EIF5B: variants seen among roughly 807,000 people sequenced by gnomAD.
The protein encoded by EIF5B is eukaryotic translation initiation factor 5B, also known as eIF-5B.
EIF5B carries 47 observed loss-of-function variants against 147.5 expected under a neutral mutation model. The ratio of observed to expected loss-of-function variants is 0.32; its 90% CI spans 0.25 to 0.41. EIF5B has a LOEUF of 0.41. Among genes scored for constraint, EIF5B ranks in the 10% least tolerant of loss-of-function variants. EIF5B has a pLI of 1.00. For synonymous variants in EIF5B, 455 were observed against 456.2 expected, an observed-to-expected ratio of 1.00 and a Z score of 0.03; for missense variants, 1,064 against 1,413.2, an observed-to-expected ratio of 0.75 and a Z score of 3.96.
Position 99,401,242 on chromosome 2 carries a change from T to C in EIF5B, c.*1828T>C. ...GAGCATCAGGCTCTCTGGTAATATT[T>C]ATGTAACTTTTAATGTGCTTCCATA... is the stretch of plus-strand genomic sequence containing the variant. On this transcript the variant is annotated 3_prime_UTR_variant, in exon 24 of 24. Transcript: ENST00000289371. The C allele has an allele frequency of 6.3e-7, 1 of 1,589,780 alleles. No homozygotes were observed. The highest frequency in any genetic ancestry group is 1.3e-5 in the African/African-American group (1 of 74,510).
At chr2:99,364,888 T>C (rs200864013) in intron 6 of EIF5B, among the ~76,000 whole-genome samples, 23 of 150,824 alleles carry the variant, frequency 1.5e-4, no homozygotes, top group African/African-American at 5.1e-4. Flanking sequence ...CATTTTTTTT[T>C]AACCCTTTCC....
rs1674220550 is a variant in EIF5B at position 99,361,797 on chromosome 2, C to T, written c.896C>T (p.Ala299Val). 5.1e-6 allele frequency: 8 copies of T among 1,555,418 alleles called. No individual in the cohort carries two copies. The highest frequency in any genetic ancestry group is 6.9e-6 in the Non-Finnish European group (8 of 1,161,744). The change falls in exon 4 of 24, where the codon GCA becomes GTA. Residue 299 changes from alanine to valine, a missense_variant. Physicochemically the swap from Ala to Val is moderately conservative, Grantham distance 64. Coordinates refer to ENST00000289371, the MANE Select transcript of EIF5B (RefSeq NM_015904.4). Reference sequence around the variant, plus strand: ...GTAATTCCTGCCTCTGAAGAGAAAGCAGAGACTCCCACAGCTGCAGAAGGT... The same window carrying T: ...GTAATTCCTGCCTCTGAAGAGAAAGTAGAGACTCCCACAGCTGCAGAAGGT... ...TGVIPASEEK[A>V]ETPTAAEDDN...
intron 1 of EIF5B, among the ~76,000 whole-genome samples, chr2:99,341,529 G>C (rs1311726411): frequency 6.6e-6 from 1 of 152,194 alleles, no homozygotes; most frequent in Non-Finnish European, 1.5e-5. Context: ...CAGTATTGCA[G>C]TTGATCTATA....
intron 1 of EIF5B, among the ~76,000 whole-genome samples, chr2:99,355,832 C>T (rs1256541814): frequency 6.6e-6 from 1 of 151,920 alleles, no homozygotes; most frequent in Non-Finnish European, 1.5e-5. Flanking sequence ...AGGCTGGTCT[C>T]GAACTTCTGA....
At chr2:99,392,495 TTTCA>T (rs1428033204) in intron 17 of EIF5B, among the ~76,000 whole-genome samples, 3 of 152,208 alleles carry the variant, frequency 2.0e-5, no homozygotes, top group African/African-American at 7.2e-5. Context: ...AGTATTTTAG[TTTCA>T]TTGTTTTACA....
chr2:99,391,512 A>G (rs1177997839), intron 17 of EIF5B, among the ~76,000 whole-genome samples: 1 of 152,180 alleles, frequency 6.6e-6, no homozygotes, highest in African/African-American at 2.4e-5. Flanking sequence ...CGCTGCTGGC[A>G]CCCAGAAGCT....
At chr2:99,398,978 T>C in intron 23 of EIF5B, 69 bp downstream of exon 23, 1 of 1,519,062 alleles carries the variant, frequency 6.6e-7, no homozygotes, top group South Asian at 1.3e-5. Flanking sequence ...CACCTGTACC[T>C]GTAGCTCCTT....
intron 3 of EIF5B, 43 bp from the exon 4 acceptor site, chr2:99,361,105 A>G (rs1674202303): frequency 6.9e-7 from 1 of 1,457,118 alleles, no homozygotes; most frequent in Non-Finnish European, 9.1e-7. Context: ...TCTGGTCTCA[A>G]TTATAATTCT....
At chr2:99,384,114 G>A (rs888799861) in intron 14 of EIF5B, among the ~76,000 whole-genome samples, 5 of 148,892 alleles carry the variant, frequency 3.4e-5, no homozygotes, top group African/African-American at 7.5e-5. Flanking sequence ...GGAGAATGGC[G>A]TGAACCCGGG....
chr2:99,374,343 A>G (rs1373534840), intron 9 of EIF5B, among the ~76,000 whole-genome samples: 2 of 148,188 alleles, frequency 1.3e-5, no homozygotes, highest in Non-Finnish European at 3.0e-5. Flanking sequence ...TTCATTATCT[A>G]TTTAAAACCT....
chr2:99,368,347 G>A (rs879818877), intron 6 of EIF5B, 146 bp from the exon 7 acceptor site: 3 of 672,444 alleles, frequency 4.5e-6, no homozygotes, highest in Non-Finnish European at 7.9e-6. Context: ...TACCTTATAT[G>A]TAAAAGATAC....
intron 14 of EIF5B, among the ~76,000 whole-genome samples, chr2:99,383,981 G>A (rs895072905): frequency 7.2e-5 from 11 of 151,866 alleles, no homozygotes; most frequent in African/African-American, 1.9e-4. Context: ...AGGCCGAGGC[G>A]GGCGGATCAC....
rs1178810033 is a variant in EIF5B at position 99,348,396 on chromosome 2, T to C, written c.35+10807T>C. Among the ~76,000 whole-genome samples the C allele has an allele frequency of 1.3e-5, 2 of 152,196 alleles. 1 individual carries two copies. Among genetic ancestry groups the C allele is most frequent in the African/African-American group, 4.8e-5 (2 of 41,454 alleles). Reference sequence around the variant, plus strand: ...TGTTAAGATTTGTGGTTATAAGTGGTGGGGGCCACTGAGGAGCAATGACTG... The same window carrying C: ...TGTTAAGATTTGTGGTTATAAGTGGCGGGGGCCACTGAGGAGCAATGACTG... On this transcript the variant is annotated intron_variant, in intron 1 of 23. Transcript: ENST00000289371.
chr2:99,354,796 C>CTTTTTTTTTTTTTTTTTTTTTTTTTT (rs57735386), intron 1 of EIF5B, among the ~76,000 whole-genome samples: 1 of 80,034 alleles, frequency 1.2e-5, no homozygotes. Context: ...ATTGGTTGTA[C>CTTTTTTTTTTTTTTTTTTTTTTTTTT]TTTTTTTTTT....
intron 8 of EIF5B, among the ~76,000 whole-genome samples, chr2:99,370,017 T>C (rs1674412132): frequency 6.6e-6 from 1 of 152,170 alleles, no homozygotes; most frequent in Non-Finnish European, 1.5e-5. Context: ...TAGTAGGTTT[T>C]GGATTTTCTC....
At chr2:99,345,786 T>TA (rs975796941) in intron 1 of EIF5B, among the ~76,000 whole-genome samples, 5 of 150,572 alleles carry the variant, frequency 3.3e-5, no homozygotes, top group African/African-American at 9.8e-5. Context: ...CTCTACCCCC[T>TA]AAAAAAAATA....
intron 13 of EIF5B, 57 bp from the exon 14 acceptor site, chr2:99,382,723 A>C (rs1277540876): frequency 1.3e-6 from 2 of 1,490,288 alleles, no homozygotes; most frequent in Non-Finnish European, 1.8e-6. Flanking sequence ...TAAAAGTTTA[A>C]GAAAAGTATT....
At chr2:99,393,921 C>T (rs926748400) in intron 18 of EIF5B, among the ~76,000 whole-genome samples, 5 of 152,204 alleles carry the variant, frequency 3.3e-5, no homozygotes, top group African/African-American at 1.2e-4. Context: ...TTTGGGCTAT[C>T]ATAACACATT....
At chr2:99,386,468 C>CGTGTGT (rs61494312) in intron 14 of EIF5B, among the ~76,000 whole-genome samples, 281 of 142,474 alleles carry the variant, frequency 2.0e-3, no homozygotes, top group African/African-American at 5.1e-3. Flanking sequence ...TTTTGTTTTG[C>CGTGTGT]GTGTGTGTGT....
Sources: gnomAD v4.1 joint callset for allele counts (sites outside exome capture counted in the v4.1 genomes callset) on GRCh38, gnomAD v4.1.1 for gene constraint, MANE v1.5 for transcripts, NCBI Gene and HGNC (gene_info 2026-07-23, HGNC 2026-07-21) for gene names.